Variants in CDH4 observed in about 807,000 individuals in gnomAD.
The protein encoded by CDH4 is cadherin-4.
CDH4 carries 33 observed loss-of-function variants against 86.0 expected under a neutral mutation model. The observed-to-expected ratio is 0.38, with a 90% CI of 0.29 to 0.51. CDH4 has a LOEUF of 0.51. Ranked by LOEUF, CDH4 falls within the 20% of genes least tolerant of loss-of-function variation. CDH4 has a pLI of 0.86. For missense variants in CDH4, 1,114 were observed against 1,307.4 expected, an observed-to-expected ratio of 0.85 and a Z score of 2.28; for synonymous variants, 555 against 549.4, an observed-to-expected ratio of 1.01 and a Z score of -0.14.
intron 6 of CDH4, among the ~76,000 whole-genome samples, chr20:61,867,066 G>C (rs1983583207): frequency 6.6e-6 from 1 of 152,258 alleles, no homozygotes; most frequent in African/African-American, 2.4e-5. Context: ...ACCAGCAGGA[G>C]AGAGACGGGT....
intron 2 of CDH4, among the ~76,000 whole-genome samples, chr20:61,574,985 C>A (rs1257843623): frequency 6.6e-6 from 1 of 152,242 alleles, no homozygotes. Context: ...AGAGTGCTGC[C>A]GTGTGAAGAA....
At position 61,252,403 on chromosome 20, in the gene CDH4, GCGGCGGCGGCGGCGGCGA is replaced by G; in HGVS notation, c.-110_-93del. The stretch of plus-strand genomic sequence containing the variant: ...GGAGGCTCCGGGCAGGCGCGGGGGA[GCGGCGGCGGCGGCGGCGA>G]TCGGAGCGGCGGCGGTGGTCTCGGC... On this transcript the variant is annotated 5_prime_UTR_variant, in exon 1 of 16. Coordinates refer to ENST00000614565, the MANE Select transcript of CDH4 (RefSeq NM_001794.5). The surrounding 1 kb of genome is among the most constrained non-coding windows in gnomAD (Gnocchi z 4.4). 1 of 327,140 alleles carries G rather than the reference GCGGCGGCGGCGGCGGCGA, an allele frequency of 3.1e-6. No individual in the cohort carries two copies. Among genetic ancestry groups the G allele is most frequent in the African/African-American group, 2.3e-5 (1 of 43,412 alleles). 20.3% of individuals were successfully genotyped at this position (327,140 alleles called of 1,614,324 possible). A position where few individuals can be genotyped will look rare whatever the true frequency, so the allele number is the denominator to read the frequency against.
At chr20:61,573,030 T>TTGGATGGTTGGATGGA (rs1555810028) in intron 2 of CDH4, among the ~76,000 whole-genome samples, 1,408 of 140,426 alleles carry the variant, frequency 0.01, 28 homozygotes, top group African/African-American at 0.038. Context: ...GGATGGATGG[T>TTGGATGGTTGGATGGA]TGGATGGATG....
intron 2 of CDH4, among the ~76,000 whole-genome samples, chr20:61,609,351 C>A (rs1389763377): frequency 6.6e-6 from 1 of 152,138 alleles, no homozygotes; most frequent in Non-Finnish European, 1.5e-5. Flanking sequence ...TTGCTTGGTG[C>A]TTTTCCTGTG....
intron 2 of CDH4, among the ~76,000 whole-genome samples, chr20:61,647,907 G>A (rs2145811242): frequency 6.6e-6 from 1 of 152,318 alleles, no homozygotes; most frequent in African/African-American, 2.4e-5. Context: ...GGCAGTCTCA[G>A]GCCACACTGG....
At chr20:61,773,313 A>G (rs1204361311) in intron 4 of CDH4, 131 bp downstream of exon 4, 4 of 874,562 alleles carry the variant, frequency 4.6e-6, no homozygotes, top group South Asian at 1.9e-5. Context: ...CCTTTCTGTA[A>G]TGAGATAAGC....
chr20:61,869,792 G>A (rs916850679), intron 6 of CDH4, among the ~76,000 whole-genome samples: 1 of 152,216 alleles, frequency 6.6e-6, no homozygotes, highest in African/African-American at 2.4e-5. Flanking sequence ...AGGCAGCTTC[G>A]ATTGGTGGGG....
intron 2 of CDH4, among the ~76,000 whole-genome samples, chr20:61,311,396 C>T (rs2084444819): frequency 6.6e-6 from 1 of 152,080 alleles, no homozygotes; most frequent in Non-Finnish European, 1.5e-5. Context: ...ATAATTTCTA[C>T]AAATAATGAG....
At chr20:61,740,183 C>T (rs1370572566) in intron 2 of CDH4, among the ~76,000 whole-genome samples, 1 of 152,214 alleles carries the variant, frequency 6.6e-6, no homozygotes, top group Non-Finnish European at 1.5e-5. Context: ...AGCTACGGTA[C>T]TGCCTCTGAG....
chr20:61,602,248 G>T (rs992507366), intron 2 of CDH4, among the ~76,000 whole-genome samples: 6 of 152,158 alleles, frequency 3.9e-5, no homozygotes, highest in Admixed American at 6.5e-5. Context: ...TTATCGCAAG[G>T]TTCTTGCTGC....
intron 3 of CDH4, among the ~76,000 whole-genome samples, chr20:61,770,467 T>C (rs912761593): frequency 6.6e-6 from 1 of 152,230 alleles, no homozygotes; most frequent in African/African-American, 2.4e-5. Flanking sequence ...TGGAGAGGCA[T>C]GCCATGCCAT....
chr20:61,858,179 GTGTCTCTGTGTGTGTC>G (rs1983129693), intron 6 of CDH4, among the ~76,000 whole-genome samples: 2 of 149,078 alleles, frequency 1.3e-5, no homozygotes, highest in African/African-American at 2.5e-5. Flanking sequence ...GTGTCTGTGT[GTGTCTCTGTGTGTGTC>G]TCTGTGTCTA....
intron 2 of CDH4, among the ~76,000 whole-genome samples, chr20:61,474,058 C>T (rs1305931035): frequency 6.6e-6 from 1 of 151,790 alleles, no homozygotes; most frequent in Non-Finnish European, 1.5e-5. Flanking sequence ...GGCTGTTCTG[C>T]TGACAGCCAC....
chr20:61,856,343 G>A (rs946672916), intron 6 of CDH4, among the ~76,000 whole-genome samples: 7 of 152,218 alleles, frequency 4.6e-5, no homozygotes, highest in Admixed American at 3.3e-4. Context: ...GTACAGGCCC[G>A]GGATCCATGA....
intron 2 of CDH4, among the ~76,000 whole-genome samples, chr20:61,503,752 G>T (rs1337961724): frequency 1.3e-5 from 2 of 152,164 alleles, no homozygotes; most frequent in South Asian, 2.1e-4. Context: ...AATAACTAAT[G>T]ATATAAATTA....
At chr20:61,841,277 C>T (rs942242628) in intron 4 of CDH4, among the ~76,000 whole-genome samples, 6 of 152,220 alleles carry the variant, frequency 3.9e-5, no homozygotes, top group Admixed American at 2.6e-4. Context: ...TCCCGGACGG[C>T]GGGGCTGGTG....
At chr20:61,523,243 T>C (rs1444960856) in intron 2 of CDH4, among the ~76,000 whole-genome samples, 1 of 152,234 alleles carries the variant, frequency 6.6e-6, no homozygotes, top group Non-Finnish European at 1.5e-5. Flanking sequence ...AGGCCTCATC[T>C]CAGGCCACGG....
chr20:61,539,527 T>C (rs1456114718), intron 2 of CDH4, among the ~76,000 whole-genome samples: 1 of 152,216 alleles, frequency 6.6e-6, no homozygotes, highest in East Asian at 1.9e-4. Flanking sequence ...CCAGCCAGGT[T>C]GGATTAGGCC....
At chr20:61,569,817 G>A (rs2086328731) in intron 2 of CDH4, among the ~76,000 whole-genome samples, 1 of 152,174 alleles carries the variant, frequency 6.6e-6, no homozygotes, top group Non-Finnish European at 1.5e-5. Context: ...TAACACTGCT[G>A]TTCCTGCAGA....
Sources: gnomAD v4.1 joint callset for allele counts (sites outside exome capture counted in the v4.1 genomes callset) on GRCh38, gnomAD v4.1.1 for gene constraint, Gnocchi (gnomAD v3.1) non-coding constraint, MANE v1.5 for transcripts, NCBI Gene and HGNC (gene_info 2026-07-23, HGNC 2026-07-21) for gene names.